Variants in CCDC149 observed in about 807,000 individuals in gnomAD.
The protein encoded by CCDC149 is coiled-coil domain containing 149.
Under a neutral mutation model 59.9 loss-of-function variants are expected in CCDC149, and 45 were observed. That is an observed-to-expected ratio of 0.75 (90% CI 0.59 to 0.96). The LOEUF is 0.96. CCDC149 is among the 40% of genes least tolerant of loss of function. The pLI is 0.00. For synonymous variants in CCDC149, 245 were observed against 260.6 expected (o/e 0.94, Z 0.58); for missense variants, 584 against 664.7 (o/e 0.88, Z 1.33).
At chr4:24,826,853 G>A (rs144419954) in intron 9 of CCDC149, 55 of 152,318 alleles carry the variant, frequency 3.6e-4, no homozygotes, top group African/African-American at 1.0e-3. Context: ...GAATATAGCC[G>A]GCTCTTCAAG....
intron 1 of CCDC149, among the ~76,000 whole-genome samples, chr4:24,896,000 CA>C (rs1720825822): frequency 6.6e-6 from 1 of 152,246 alleles, no homozygotes; most frequent in Non-Finnish European, 1.5e-5. Flanking sequence ...TTGCAGCATG[CA>C]AGGGCTGCCG....
rs552080410 is a variant in CCDC149 at position 24,816,941 on chromosome 4, G to A, written c.1192+2918C>T. 6.6e-5 allele frequency among the ~76,000 whole-genome samples: 10 copies of A among 152,264 alleles called. No homozygotes were observed. The East Asian group carries it at 9.6e-4, about 15-fold the overall frequency. ...TGATAGGCTTTGTCCTCCCAAGCGCGCGCTGCTTTCAGTTGGAATTGATCA... is the reference window on the plus strand; with the variant it reads ...TGATAGGCTTTGTCCTCCCAAGCGCACGCTGCTTTCAGTTGGAATTGATCA... On this transcript the variant is annotated intron_variant, in intron 12 of 12. Coordinates refer to ENST00000635206, the MANE Select transcript of CCDC149 (RefSeq NM_001330643.2).
Position 24,835,000 on chromosome 4 carries a change from G to C in CCDC149, c.768C>G (p.Gly256=), listed in dbSNP as rs1303792448. The C allele has an allele frequency of 1.9e-6, 3 of 1,613,860 alleles. No homozygotes were observed. Among genetic ancestry groups the C allele is most frequent in the Non-Finnish European group, 2.5e-6 (3 of 1,179,938 alleles). Residue 256 remains glycine (G), a synonymous_variant, in exon 8 of 13, where the codon GGC becomes GGG. Coordinates refer to ENST00000635206, the MANE Select transcript of CCDC149 (RefSeq NM_001330643.2). ...GAGCACTGCTGCTGGATTTACCCTG[G>C]CCCTTCGAGTTTTTCCGTCTCTCCA...
At chr4:24,811,647 C>CG (rs932504857) in intron 12 of CCDC149, among the ~76,000 whole-genome samples, 3 of 151,996 alleles carry the variant, frequency 2.0e-5, no homozygotes, top group African/African-American at 4.8e-5. Flanking sequence ...CTGAGGCGGG[C>CG]GGATCACCTG....
downstream of CCDC149, among the ~76,000 whole-genome samples, chr4:24,804,752 A>AC (rs1464018649): frequency 6.6e-6 from 1 of 152,176 alleles, no homozygotes; most frequent in Non-Finnish European, 1.5e-5. Flanking sequence ...ACATCAAAAA[A>AC]TTTACTCCAA....
chr4:24,875,265 G>A (rs1234531696), intron 2 of CCDC149, among the ~76,000 whole-genome samples: 1 of 151,712 alleles, frequency 6.6e-6, no homozygotes, highest in Non-Finnish European at 1.5e-5. Flanking sequence ...GGGAGGCGGA[G>A]CTTGCAGTGA....
chr4:24,922,875 T>G (rs7680589), intron 1 of CCDC149, among the ~76,000 whole-genome samples: 2 of 152,046 alleles, frequency 1.3e-5, no homozygotes, highest in African/African-American at 4.8e-5. Context: ...TGGAAAATCA[T>G]TGGACCAAAA....
chr4:24,894,463 G>A (rs958434457), intron 1 of CCDC149, among the ~76,000 whole-genome samples: 1 of 152,108 alleles, frequency 6.6e-6, no homozygotes. Flanking sequence ...GGGTATTTCT[G>A]GGAGACGGGT....
chr4:24,907,696 T>A (rs997548742), intron 1 of CCDC149, among the ~76,000 whole-genome samples: 1 of 152,322 alleles, frequency 6.6e-6, no homozygotes, highest in South Asian at 2.1e-4. Context: ...ACTAGTCATG[T>A]TGGTTATAGT....
At chr4:24,880,017 T>C (rs141046765) in intron 1 of CCDC149, among the ~76,000 whole-genome samples, 250 of 152,342 alleles carry the variant, frequency 1.6e-3, no homozygotes, top group African/African-American at 5.7e-3. Flanking sequence ...GTCTGTGCCA[T>C]CTTTTGTAGC....
chr4:24,926,088 C>T lies in CCDC149; in HGVS notation c.-64-30970G>A, dbSNP rs539578050. 2.4e-3 allele frequency among the ~76,000 whole-genome samples: 367 copies of T among 152,178 alleles called. 1 individual carries two copies. Among genetic ancestry groups the T allele is most frequent in the African/African-American group, 8.1e-3 (338 of 41,516 alleles). On this transcript the variant is annotated intron_variant, in intron 1 of 12. Coordinates refer to the CCDC149 transcript ENST00000389609. ...GTGTGCGCCTGTAATCCCAGCTACT[C>T]GGGAGGCTGTGGCAGGAGAATCGCT... is the stretch of plus-strand genomic sequence containing the variant.
intron 3 of CCDC149, 135 bp downstream of exon 3, chr4:24,873,546 T>A (rs1039286835): frequency 7.1e-6 from 5 of 703,690 alleles, no homozygotes; most frequent in African/African-American, 5.4e-5. Flanking sequence ...GCAGTTGGAA[T>A]CTCTACCTAC....
intron 1 of CCDC149, among the ~76,000 whole-genome samples, chr4:24,938,730 G>A (rs1433111557): frequency 6.6e-6 from 1 of 152,214 alleles, no homozygotes; most frequent in Non-Finnish European, 1.5e-5. Flanking sequence ...TTAACAAATG[G>A]CACACCAGGA....
At chr4:24,856,162 CT>C (rs10533310) in intron 3 of CCDC149, among the ~76,000 whole-genome samples, 1 of 7,160 alleles carries the variant, frequency 1.4e-4, no homozygotes, top group Non-Finnish European at 3.0e-4. Flanking sequence ...GCGAAGGCCT[CT>C]CCTTGGACAC....
At chr4:24,810,253 C>G (rs956174636) in intron 12 of CCDC149, among the ~76,000 whole-genome samples, 1 of 152,210 alleles carries the variant, frequency 6.6e-6, no homozygotes. Flanking sequence ...CTGACTCATC[C>G]AGTGTCTGAC....
chr4:24,863,446 C>T (rs1030459075), intron 3 of CCDC149, among the ~76,000 whole-genome samples: 6 of 152,236 alleles, frequency 3.9e-5, no homozygotes, highest in Admixed American at 6.5e-5. Flanking sequence ...GAGGAAAAGG[C>T]CAATATTTCA....
intron 3 of CCDC149, among the ~76,000 whole-genome samples, chr4:24,866,077 C>A (rs1365823131): frequency 6.6e-6 from 1 of 152,268 alleles, no homozygotes; most frequent in East Asian, 1.9e-4. Context: ...TATACAAAGT[C>A]ACTGTGATTT....
intron 1 of CCDC149, among the ~76,000 whole-genome samples, chr4:24,963,965 C>G (rs1420109757): frequency 1.3e-5 from 2 of 152,112 alleles, no homozygotes; most frequent in African/African-American, 4.8e-5. Flanking sequence ...GAGGCCAAGG[C>G]AGGAGGATGG....
chr4:24,904,867 TA>T (rs1182700480), intron 1 of CCDC149, among the ~76,000 whole-genome samples: 1 of 152,220 alleles, frequency 6.6e-6, no homozygotes. Context: ...TTTGTCCATT[TA>T]AAAATTCAGA....
Sources: gnomAD v4.1 joint callset for allele counts (sites outside exome capture counted in the v4.1 genomes callset) on GRCh38, gnomAD v4.1.1 for gene constraint, MANE v1.5 for transcripts, NCBI Gene and HGNC (gene_info 2026-07-23, HGNC 2026-07-21) for gene names.